The following RGS7 variants were observed in gnomAD, a reference collection of about 807,000 sequenced individuals.
RGS7 encodes the protein regulator of G protein signaling 7.
In RGS7, 27 loss-of-function variants were observed where a neutral mutation model predicts 81.1. The observed-to-expected ratio is 0.33, with a 90% CI of 0.25 to 0.46. The LOEUF (loss-of-function observed/expected upper bound fraction) is 0.46. RGS7 is among the 20% of genes least tolerant of loss of function. The probability of loss-of-function intolerance (pLI) is 1.00; values close to 1 mark genes in which losing one functional copy is unlikely to be tolerated. For missense variants in RGS7, 396 were observed against 607.4 expected, an observed-to-expected ratio of 0.65 and a Z score of 3.66; for synonymous variants, 208 against 207.7, an observed-to-expected ratio of 1.00 and a Z score of -0.01.
chr1:240,947,458 A>T (rs899177751), intron 4 of RGS7, among the ~76,000 whole-genome samples: 1 of 152,120 alleles, frequency 6.6e-6, no homozygotes, highest in Non-Finnish European at 1.5e-5. Context: ...TTCTCACCTG[A>T]GTTAATATCA....
At chr1:240,946,750 G>A (rs1678683718) in intron 4 of RGS7, among the ~76,000 whole-genome samples, 1 of 152,150 alleles carries the variant, frequency 6.6e-6, no homozygotes, top group Non-Finnish European at 1.5e-5. Flanking sequence ...GGACAGGCTG[G>A]TCAATGGGTA....
At chr1:241,277,299 TA>T (rs1487821864) in intron 2 of RGS7, among the ~76,000 whole-genome samples, 3 of 152,230 alleles carry the variant, frequency 2.0e-5, no homozygotes, top group Non-Finnish European at 4.4e-5. Flanking sequence ...TTTTGATCTT[TA>T]TGTAAACATT....
intron 3 of RGS7, among the ~76,000 whole-genome samples, chr1:241,078,715 T>A (rs1558684991): frequency 6.6e-6 from 1 of 152,164 alleles, no homozygotes; most frequent in Non-Finnish European, 1.5e-5. Context: ...CATAAATATA[T>A]AAATTAATAC....
At chr1:240,885,037 G>C (rs1667107806) in intron 6 of RGS7, among the ~76,000 whole-genome samples, 2 of 152,082 alleles carry the variant, frequency 1.3e-5, no homozygotes, top group Admixed American at 1.3e-4. Flanking sequence ...GCATCTATAA[G>C]GAACTTAAAT....
chr1:241,179,989 A>C (rs1373836838), intron 2 of RGS7, among the ~76,000 whole-genome samples: 1 of 152,166 alleles, frequency 6.6e-6, no homozygotes, highest in African/African-American at 2.4e-5. Context: ...GAAATGAGAA[A>C]AACGAAATGT....
At chr1:241,356,733 G>C (rs1359738012) in intron 1 of RGS7, among the ~76,000 whole-genome samples, 166 bp downstream of exon 1, 1 of 150,186 alleles carries the variant, frequency 6.7e-6, no homozygotes, top group Non-Finnish European at 1.5e-5. Flanking sequence ...CGTGGACCGC[G>C]GGGTGCGCGC....
At chr1:240,791,046 G>C (rs1004529003) in intron 18 of RGS7, among the ~76,000 whole-genome samples, 1 of 152,166 alleles carries the variant, frequency 6.6e-6, no homozygotes, top group African/African-American at 2.4e-5. Flanking sequence ...TGATGAAATA[G>C]ATGAAAAACT....
chr1:241,137,989 G>A (rs891202894), intron 2 of RGS7, among the ~76,000 whole-genome samples: 1 of 152,020 alleles, frequency 6.6e-6, no homozygotes, highest in African/African-American at 2.4e-5. Flanking sequence ...TGGCCAACAT[G>A]GTGAAACCCC....
At chr1:240,981,664 G>A (rs1272604727) in intron 4 of RGS7, among the ~76,000 whole-genome samples, 1 of 152,116 alleles carries the variant, frequency 6.6e-6, no homozygotes, top group Non-Finnish European at 1.5e-5. Flanking sequence ...ATAATATGAT[G>A]CTGGCAATAG....
intron 3 of RGS7, among the ~76,000 whole-genome samples, chr1:241,035,114 A>G (rs944635452): frequency 6.6e-6 from 1 of 152,178 alleles, no homozygotes; most frequent in Non-Finnish European, 1.5e-5. Flanking sequence ...GAGAAGAGGC[A>G]TCATCCTTTC....
At chr1:240,991,176 A>G (rs1276630658) in intron 3 of RGS7, among the ~76,000 whole-genome samples, 2 of 152,210 alleles carry the variant, frequency 1.3e-5, no homozygotes, top group Non-Finnish European at 2.9e-5. Context: ...CTGTTCCTTG[A>G]GCAGACATTT....
chr1:241,102,184 G>A (rs1299008252), intron 2 of RGS7, among the ~76,000 whole-genome samples: 1 of 152,028 alleles, frequency 6.6e-6, no homozygotes, highest in African/African-American at 2.4e-5. Flanking sequence ...GGCCTAGAAT[G>A]AGACAAAAAC....
At chr1:240,879,965 G>GT (rs1351306936) in intron 6 of RGS7, among the ~76,000 whole-genome samples, 1 of 152,092 alleles carries the variant, frequency 6.6e-6, no homozygotes, top group Non-Finnish European at 1.5e-5. Flanking sequence ...TGGAACAGTG[G>GT]TTTTTTTAAA....
rs547896344 is a variant in RGS7 at position 241,151,130 on chromosome 1, C to A, written c.79-52368G>T. Among the ~76,000 whole-genome samples, 76 of 152,326 alleles carry A rather than the reference C, an allele frequency of 5.0e-4. 1 individual carries two copies. Among genetic ancestry groups the A allele is most frequent in the African/African-American group, 1.8e-3 (75 of 41,572 alleles). ...AGTCCACTGGCGCACATGCTAGTCT[C>A]CTGCATACACACCCTAACAGTCGTG... On this transcript the variant is annotated intron_variant, in intron 2 of 18. Coordinates refer to ENST00000440928, the MANE Select transcript of RGS7 (RefSeq NM_001364886.1).
intron 18 of RGS7, among the ~76,000 whole-genome samples, chr1:240,780,642 G>A (rs190589791): frequency 2.0e-5 from 3 of 152,060 alleles, no homozygotes; most frequent in East Asian, 1.9e-4. Flanking sequence ...TGGGCCGGGC[G>A]CGGTGGCTGA....
chr1:240,914,642 A>T (rs1411129763), intron 6 of RGS7, among the ~76,000 whole-genome samples: 1 of 152,206 alleles, frequency 6.6e-6, no homozygotes, highest in African/African-American at 2.4e-5. Flanking sequence ...ATAAATAAAA[A>T]CAACATAGTC....
At chr1:241,297,495 C>T (rs1346604447) in intron 2 of RGS7, among the ~76,000 whole-genome samples, 1 of 152,166 alleles carries the variant, frequency 6.6e-6, no homozygotes, top group East Asian at 1.9e-4. Flanking sequence ...GGGGAAAATC[C>T]ATAATAAGCT....
intron 3 of RGS7, among the ~76,000 whole-genome samples, chr1:241,085,304 T>G (rs550155719): frequency 6.6e-6 from 1 of 152,310 alleles, no homozygotes; most frequent in South Asian, 2.1e-4. Flanking sequence ...CTAGCTAGGT[T>G]AATATGGATA....
At chr1:240,946,709 T>G (rs139483223) in intron 4 of RGS7, among the ~76,000 whole-genome samples, 55 of 152,300 alleles carry the variant, frequency 3.6e-4, no homozygotes, top group African/African-American at 1.2e-3. Flanking sequence ...TTTCCAGAAT[T>G]CAAATAAATT....
Sources: allele counts gnomAD v4.1 joint callset (sites outside exome capture counted in the v4.1 genomes callset), GRCh38; gene constraint gnomAD v4.1.1; transcripts MANE v1.5; gene names NCBI Gene and HGNC (gene_info 2026-07-23, HGNC 2026-07-21).